Variants in DNAH3 observed in about 807,000 individuals in gnomAD.
The protein encoded by DNAH3 is dynein axonemal heavy chain 3.
Under a neutral mutation model 432.5 loss-of-function variants are expected in DNAH3, and 332 were observed. The ratio of observed to expected loss-of-function variants is 0.77; its 90% CI spans 0.70 to 0.84. The LOEUF (loss-of-function observed/expected upper bound fraction) is 0.84, where lower values mean the gene tolerates loss of function less well. DNAH3 is among the 40% of genes least tolerant of loss of function. DNAH3 has a pLI of 0.00. For missense variants in DNAH3, 4,861 were observed against 5,114.0 expected, an observed-to-expected ratio of 0.95 and a Z score of 1.51; for synonymous variants, 1,956 against 1,900.2, an observed-to-expected ratio of 1.03 and a Z score of -0.76.
At chr16:21,138,547 C>T (rs928744184) in intron 5 of DNAH3, among the ~76,000 whole-genome samples, 28 of 151,946 alleles carry the variant, frequency 1.8e-4, no homozygotes, top group African/African-American at 2.4e-5. Context: ...TGCGGTGGCT[C>T]ACGCCATAAT....
chr16:21,103,250 A>G (rs1210360192), intron 16 of DNAH3, among the ~76,000 whole-genome samples: 1 of 151,646 alleles, frequency 6.6e-6, no homozygotes, highest in Non-Finnish European at 1.5e-5. Flanking sequence ...CCAAAATCTC[A>G]GAAATCACCA....
At chr16:21,073,323 A>G (rs934501560) in intron 21 of DNAH3, among the ~76,000 whole-genome samples, 1 of 152,140 alleles carries the variant, frequency 6.6e-6, no homozygotes, top group Non-Finnish European at 1.5e-5. Context: ...GGCCAGGTAT[A>G]AGTGAGCTGT....
At chr16:21,128,377 C>T (rs2092483090) in intron 7 of DNAH3, among the ~76,000 whole-genome samples, 1 of 149,434 alleles carries the variant, frequency 6.7e-6, no homozygotes, top group African/African-American at 2.5e-5. Flanking sequence ...AGTGAGACAT[C>T]ATCTCTCCAA....
intron 56 of DNAH3, among the ~76,000 whole-genome samples, chr16:20,949,369 A>C (rs966825620): frequency 1.6e-5 from 2 of 127,290 alleles, no homozygotes; most frequent in African/African-American, 2.7e-5. Flanking sequence ...AAACAGAAAC[A>C]AAAAAAAAGA....
intron 21 of DNAH3, among the ~76,000 whole-genome samples, chr16:21,075,220 C>G (rs73542614): frequency 6.6e-6 from 1 of 152,152 alleles, no homozygotes; most frequent in South Asian, 2.1e-4. Context: ...CTGAGAAAGC[C>G]TCTTGCTCTG....
At chr16:20,995,339 T>G (rs1048084034) in intron 44 of DNAH3, among the ~76,000 whole-genome samples, 2 of 150,158 alleles carry the variant, frequency 1.3e-5, no homozygotes, top group African/African-American at 5.0e-5. Context: ...GTTCAAGCAA[T>G]TCTTGTGCTT....
chr16:20,965,081 G>C, exon 53 of DNAH3: 1 of 1,613,952 alleles, frequency 6.2e-7, no homozygotes, highest in Non-Finnish European at 8.5e-7. Flanking sequence ...GCCTGGAGCC[G>C]ATCTACCACC....
At chr16:21,024,247 G>A (rs2088418210) in intron 39 of DNAH3, among the ~76,000 whole-genome samples, 1 of 152,150 alleles carries the variant, frequency 6.6e-6, no homozygotes, top group South Asian at 2.1e-4. Context: ...CATCTCTAGA[G>A]AAACTTCTAC....
intron 21 of DNAH3, among the ~76,000 whole-genome samples, chr16:21,074,501 G>T (rs899309838): frequency 4.4e-4 from 67 of 152,120 alleles, no homozygotes; most frequent in African/African-American, 1.3e-3. Context: ...ATCACTTGAG[G>T]TCAGGAGTTC....
intron 9 of DNAH3, among the ~76,000 whole-genome samples, chr16:21,124,317 C>A (rs759862861): frequency 2.0e-5 from 3 of 152,272 alleles, no homozygotes; most frequent in Non-Finnish European, 2.9e-5. Flanking sequence ...AAAAATGATT[C>A]CTTCTCCCCA....
At chr16:21,159,289 T>C (rs2152839940) in intron 1 of DNAH3, 5 of 1,563,284 alleles carry the variant, frequency 3.2e-6, no homozygotes, top group Non-Finnish European at 4.4e-6. Flanking sequence ...CATTATTCAG[T>C]CTCTGTGCCT....
rs749584512 is a variant in DNAH3 at position 21,125,203 on chromosome 16, T to C, written c.1376A>G (p.Asp459Gly). The C allele has an allele frequency of 5.0e-6, 8 of 1,609,050 alleles. 1 individual carries two copies. In the South Asian group the frequency reaches 8.9e-5, roughly 18 times the overall value. ...GTGTATCATGAAAAGGGAAACGAGG[T>C]CCTCAAGTGACTTAATGACCAGCTC... Residue 459 changes from aspartate (D) to glycine (G), a missense_variant, in exon 9 of 62, where the codon GAC becomes GGC. Physicochemically the swap from Asp to Gly is moderately conservative, Grantham distance 94. Coordinates refer to ENST00000261383, the Ensembl canonical transcript of DNAH3.
chr16:21,056,661 G>C (rs2090147130), intron 27 of DNAH3, among the ~76,000 whole-genome samples: 1 of 152,170 alleles, frequency 6.6e-6, no homozygotes, highest in Non-Finnish European at 1.5e-5. Context: ...GGAAGGGAAG[G>C]ATGATTATTC....
At chr16:21,141,427 T>C in intron 3 of DNAH3, 55 bp from the exon 5 acceptor site, 2 of 1,297,254 alleles carry the variant, frequency 1.5e-6, no homozygotes, top group Non-Finnish European at 2.2e-6. Flanking sequence ...TGGGCCATTC[T>C]CCGTCCACAG....
chr16:21,093,414 A>C (rs1166739871), intron 18 of DNAH3, among the ~76,000 whole-genome samples: 1 of 152,216 alleles, frequency 6.6e-6, no homozygotes, highest in East Asian at 1.9e-4. Flanking sequence ...ACTGATAAAA[A>C]GAAGTAAAAG....
chr16:21,143,143 G>C (rs1192098294), intron 3 of DNAH3, among the ~76,000 whole-genome samples: 2 of 152,062 alleles, frequency 1.3e-5, no homozygotes, highest in Non-Finnish European at 2.9e-5. Context: ...ATGAAACCTG[G>C]GAAGCAATAG....
chr16:21,000,484 G>T (rs1229987506), exon 43 of DNAH3: 1 of 1,612,480 alleles, frequency 6.2e-7, no homozygotes, highest in South Asian at 1.1e-5. Flanking sequence ...GGACTGCCGG[G>T]CTGTCTCCAT....
chr16:21,051,217 A>G (rs1348539797), intron 29 of DNAH3, among the ~76,000 whole-genome samples: 34 of 152,164 alleles, frequency 2.2e-4, no homozygotes, highest in Admixed American at 2.2e-3. Context: ...TCCCGATCTC[A>G]AAGGCTGAGT....
rs767378232 is a variant in DNAH3, at chr16:20,997,343, C to T, written c.6541G>A (p.Val2181Met). The T allele has an allele frequency of 2.2e-5, 35 of 1,614,184 alleles. No individual in the cohort carries two copies. The highest frequency in any genetic ancestry group is 2.7e-5 in the Non-Finnish European group (32 of 1,180,020). Residue 2181 changes from valine (V) to methionine (M), a missense_variant, in exon 44 of 62, where the codon GTG (valine) becomes ATG (methionine). Physicochemically the swap from Val to Met is conservative, Grantham distance 21. Transcript: ENST00000261383. ...ATGGCTGTCACGAGCAGCATGTCCA[C>T]GATGTCCAGCCTGGTTGTGTCTTTT...
Sources: gnomAD v4.1 joint callset for allele counts (sites outside exome capture counted in the v4.1 genomes callset) on GRCh38, gnomAD v4.1.1 for gene constraint, MANE v1.5 for transcripts, NCBI Gene and HGNC (gene_info 2026-07-23, HGNC 2026-07-21) for gene names.